Variants in ADAMTSL1 observed in about 807,000 individuals in gnomAD.
The protein encoded by ADAMTSL1 is ADAMTS like 1, also known as ADAMTS-like protein 1.
A neutral mutation model predicts 201.8 loss-of-function variants in ADAMTSL1; 126 were observed. The observed-to-expected ratio is 0.62, with a 90% CI of 0.54 to 0.72. The LOEUF (loss-of-function observed/expected upper bound fraction) is 0.72, where lower values mean the gene tolerates loss of function less well. Among genes scored for constraint, ADAMTSL1 ranks in the 30% least tolerant of loss-of-function variants. The pLI is 0.00. For synonymous variants in ADAMTSL1, 1,121 were observed against 903.4 expected, an observed-to-expected ratio of 1.24 and a Z score of -4.32; for missense variants, 2,679 against 2,277.8, an observed-to-expected ratio of 1.18 and a Z score of -3.59.
intron 1 of ADAMTSL1, among the ~76,000 whole-genome samples, chr9:18,040,382 A>C (rs2131632352): frequency 6.6e-6 from 1 of 152,300 alleles, no homozygotes; most frequent in South Asian, 2.1e-4. Flanking sequence ...TGGTGGAGAA[A>C]GCTCTTGATG....
intron 3 of ADAMTSL1, among the ~76,000 whole-genome samples, chr9:18,552,004 A>T (rs1820825703): frequency 6.6e-6 from 1 of 151,856 alleles, no homozygotes; most frequent in South Asian, 2.1e-4. Context: ...AAGAAATTCA[A>T]ACTTCATCAT....
At chr9:18,764,076 T>G (rs1164359231) in intron 16 of ADAMTSL1, among the ~76,000 whole-genome samples, 3 of 152,210 alleles carry the variant, frequency 2.0e-5, no homozygotes, top group African/African-American at 4.8e-5. Flanking sequence ...ATCTGTAGAT[T>G]GCTTTGGGTA....
chr9:18,005,954 TTATTGA>T lies in ADAMTSL1; in HGVS notation c.87+99036_87+99041del, dbSNP rs1382020748. Among the ~76,000 whole-genome samples the T allele has an allele frequency of 1.2e-4, 19 of 152,138 alleles. No homozygotes were observed. In the East Asian group the frequency reaches 2.1e-3, roughly 17 times the overall value. Reference sequence around the variant, plus strand: ...CAGTCATAAAATCTATCTCATAGACTTATTGATATGTGGGAGAGAGTATGAGATCAT... The same window carrying T: ...CAGTCATAAAATCTATCTCATAGACTTATGTGGGAGAGAGTATGAGATCAT... On this transcript the variant is annotated intron_variant, in intron 1 of 29. Transcript: ENST00000680146.
intron 1 of ADAMTSL1, among the ~76,000 whole-genome samples, chr9:17,926,352 C>T (rs1826528085): frequency 6.6e-6 from 1 of 152,016 alleles, no homozygotes. Context: ...GCAAATAACC[C>T]CCAAAACACG....
intron 26 of ADAMTSL1, among the ~76,000 whole-genome samples, chr9:18,905,088 C>T (rs1381099202): frequency 6.6e-6 from 1 of 152,190 alleles, no homozygotes; most frequent in Non-Finnish European, 1.5e-5. Context: ...AAGTGACCTC[C>T]ATGGGATGCG....
intron 25 of ADAMTSL1, chr9:18,890,760 AT>A (rs1829204584): frequency 2.9e-6 from 1 of 345,480 alleles, no homozygotes; most frequent in South Asian, 2.2e-5. Flanking sequence ...GCTGAAACGT[AT>A]ATTTGGAAAT....
At chr9:18,763,624 AGATTT>A (rs994254971) in intron 16 of ADAMTSL1, among the ~76,000 whole-genome samples, 2 of 152,144 alleles carry the variant, frequency 1.3e-5, no homozygotes, top group African/African-American at 4.8e-5. Context: ...TTGAGGTCTT[AGATTT>A]AAGTCTTTAA....
chr9:18,793,660 A>G (rs1005703354), intron 19 of ADAMTSL1, among the ~76,000 whole-genome samples: 1 of 152,232 alleles, frequency 6.6e-6, no homozygotes, highest in African/African-American at 2.4e-5. Flanking sequence ...TCACAAAGCT[A>G]GAAATGACTA....
At chr9:18,107,728 C>CT (rs1002443436) in intron 1 of ADAMTSL1, among the ~76,000 whole-genome samples, 1 of 152,086 alleles carries the variant, frequency 6.6e-6, no homozygotes, top group Admixed American at 6.6e-5. Context: ...TATGTGCTGC[C>CT]TTTTTTACCC....
intron 14 of ADAMTSL1, among the ~76,000 whole-genome samples, chr9:18,708,768 C>G (rs1378846397): frequency 6.6e-6 from 1 of 152,192 alleles, no homozygotes; most frequent in Non-Finnish European, 1.5e-5. Flanking sequence ...TTATAGTTCT[C>G]AGTTACAAGT....
chr9:18,682,746 G>GA (rs1238179404), intron 12 of ADAMTSL1, among the ~76,000 whole-genome samples: 3 of 151,992 alleles, frequency 2.0e-5, no homozygotes, highest in African/African-American at 4.8e-5. Flanking sequence ...AAATTTCTCT[G>GA]AAAAATCAGT....
chr9:18,136,321 G>A (rs192702902), intron 1 of ADAMTSL1, among the ~76,000 whole-genome samples: 124 of 152,276 alleles, frequency 8.1e-4, no homozygotes, highest in African/African-American at 2.9e-3. Flanking sequence ...GCAATCAGCT[G>A]CCACTTGGAA....
intron 2 of ADAMTSL1, among the ~76,000 whole-genome samples, chr9:18,254,821 C>A (rs1408221287): frequency 6.6e-6 from 1 of 151,958 alleles, no homozygotes; most frequent in Non-Finnish European, 1.5e-5. Flanking sequence ...AAAATTTTGT[C>A]GGCTTTGCTA....
At chr9:18,848,214 G>GA (rs1179625704) in intron 23 of ADAMTSL1, among the ~76,000 whole-genome samples, 1 of 152,094 alleles carries the variant, frequency 6.6e-6, no homozygotes, top group East Asian at 1.9e-4. Context: ...GGGAAGTTTA[G>GA]AAAAAAATAT....
At chr9:18,622,506 G>C in intron 5 of ADAMTSL1, 137 bp downstream of exon 5, 1 of 1,306,380 alleles carries the variant, frequency 7.7e-7, no homozygotes, top group East Asian at 2.4e-5. Flanking sequence ...AAGGCTTCAT[G>C]CTCTGGCATG....
At chr9:18,710,661 G>GTTTC (rs1832513315) in intron 14 of ADAMTSL1, among the ~76,000 whole-genome samples, 1 of 79,644 alleles carries the variant, frequency 1.3e-5, no homozygotes, top group Admixed American at 1.7e-4. Flanking sequence ...AAGGGCCTAA[G>GTTTC]TTTTGTTTTG....
chr9:18,721,882 G>A (rs370750491), intron 15 of ADAMTSL1, among the ~76,000 whole-genome samples: 4 of 152,338 alleles, frequency 2.6e-5, no homozygotes, highest in South Asian at 2.1e-4. Flanking sequence ...GGAAGATACC[G>A]TGCATTCACT....
intron 27 of ADAMTSL1, 113 bp downstream of exon 27, chr9:18,906,004 T>A: frequency 1.1e-6 from 1 of 914,948 alleles, no homozygotes; most frequent in Non-Finnish European, 1.6e-6. Flanking sequence ...AAGCCCTGCC[T>A]GGGACTCCAT....
At position 18,278,583 on chromosome 9, in the gene ADAMTSL1, C is replaced by A. The variant is rs1249523787; in HGVS notation, c.207+114602C>A. ...CTTTGCTCTTGCTACTTTCCAAATT[C>A]TCTCGTTGTCTTTGTCTTTTGGGTA... On this transcript the variant is annotated intron_variant, in intron 2 of 29. Transcript: ENST00000680146. 2.6e-5 allele frequency among the ~76,000 whole-genome samples: 4 copies of A among 152,120 alleles called. No individual in the cohort carries two copies. The South Asian group carries it at 8.3e-4, about 32-fold the overall frequency.
Sources: allele counts gnomAD v4.1 joint callset (sites outside exome capture counted in the v4.1 genomes callset), GRCh38; gene constraint gnomAD v4.1.1; transcripts MANE v1.5; gene names NCBI Gene and HGNC (gene_info 2026-07-23, HGNC 2026-07-21).